The following CANX variants were observed in gnomAD, a reference collection of about 807,000 sequenced individuals.
CANX encodes the protein calnexin, also known as epididymis secretory sperm binding protein.
Under a neutral mutation model 75.7 loss-of-function variants are expected in CANX, and 14 were observed. That is an observed-to-expected ratio of 0.19 (90% CI 0.12 to 0.29). The LOEUF (loss-of-function observed/expected upper bound fraction) is 0.29. Ranked by LOEUF, CANX falls within the 10% of genes least tolerant of loss-of-function variation. The pLI is 1.00. For missense variants in CANX, 567 were observed against 713.2 expected, an observed-to-expected ratio of 0.79 and a Z score of 2.34; for synonymous variants, 227 against 236.9, an observed-to-expected ratio of 0.96 and a Z score of 0.38.
At chr5:179,685,961 G>C (rs907652742) in intron 1 of CANX, among the ~76,000 whole-genome samples, 4 of 152,158 alleles carry the variant, frequency 2.6e-5, no homozygotes, top group Non-Finnish European at 5.9e-5. Context: ...AGAATGCTGG[G>C]ATTACAGGCG....
At chr5:179,690,137 G>A (rs1247733010) in intron 1 of CANX, among the ~76,000 whole-genome samples, 1 of 152,168 alleles carries the variant, frequency 6.6e-6, no homozygotes, top group African/African-American at 2.4e-5. Context: ...GTCTCTTCTG[G>A]CAACCAAGAG....
At chr5:179,710,564 C>T (rs1418351830) in intron 7 of CANX, among the ~76,000 whole-genome samples, 15 of 146,838 alleles carry the variant, frequency 1.0e-4, no homozygotes, top group African/African-American at 3.0e-4. Flanking sequence ...AAATATTAGC[C>T]GGGCGTGGTG....
At chr5:179,683,753 C>G (rs1776131573) in intron 1 of CANX, among the ~76,000 whole-genome samples, 1 of 151,950 alleles carries the variant, frequency 6.6e-6, no homozygotes, top group South Asian at 2.1e-4. Context: ...AGGCTGGTTT[C>G]AAACTCCTGG....
Position 179,720,388 on chromosome 5 carries a change from G to A in CANX, c.1026-16G>A, listed in dbSNP as rs199805110. The stretch of plus-strand genomic sequence containing the variant: ...TCACAGAACCTGTTTATAATTTGTT[G>A]TTTGTACCTCCGTAGGGATGAAGAC... On this transcript the variant is annotated splice_polypyrimidine_tract_variant and intron_variant, in intron 9 of 14. Transcript: ENST00000247461. 882 of 1,611,846 alleles carry A rather than the reference G, an allele frequency of 5.5e-4. 4 individuals carry two copies. Among genetic ancestry groups the A allele is most frequent in the Middle Eastern group, 3.3e-4 (2 of 6,082 alleles).
intron 1 of CANX, 139 bp downstream of exon 1, chr5:179,699,241 G>A (rs1007634689): frequency 4.6e-6 from 2 of 434,980 alleles, no homozygotes; most frequent in Non-Finnish European, 6.1e-6. Context: ...CCTGGCCGAC[G>A]CGCCCGCCGT....
chr5:179,679,620 G>A (rs1231370817), intron 1 of CANX, among the ~76,000 whole-genome samples: 1 of 152,108 alleles, frequency 6.6e-6, no homozygotes, highest in Non-Finnish European at 1.5e-5. Context: ...GATGGAAAAT[G>A]GAGAACTTCT....
At chr5:179,720,142 T>G (rs150070744) in intron 9 of CANX, among the ~76,000 whole-genome samples, 70 of 152,308 alleles carry the variant, frequency 4.6e-4, no homozygotes, top group African/African-American at 1.6e-3. Context: ...AAGTTACCTG[T>G]TTTTATTGAA....
Position 179,729,875 on chromosome 5 carries a change from T to C in CANX, c.*1231T>C, listed in dbSNP as rs947146068. The C allele has an allele frequency of 6.6e-6, 1 of 152,648 alleles. No individual in the cohort carries two copies. The highest frequency in any genetic ancestry group is 6.5e-5 in the Admixed American group (1 of 15,280). The allele number at this position is 152,648 out of a possible 1,614,324, so 9.5% of individuals were successfully genotyped here. On this transcript the variant is annotated 3_prime_UTR_variant, in exon 15 of 15. Transcript: ENST00000247461. The stretch of plus-strand genomic sequence containing the variant: ...GAGGAGTGACATGAAGCATGAGTTA[T>C]CTGATTTTTTTTGTAGCTGCTATAT...
At chr5:179,697,866 C>G (rs1052057349), upstream of CANX, among the ~76,000 whole-genome samples, 2 of 151,904 alleles carry the variant, frequency 1.3e-5, no homozygotes, top group African/African-American at 2.4e-5. Flanking sequence ...CCAGCCTGAG[C>G]GACAGAGCAA....
At chr5:179,698,709 G>A, upstream of CANX, 2 of 861,664 alleles carry the variant, frequency 2.3e-6, no homozygotes, top group Non-Finnish European at 3.3e-6. Flanking sequence ...GCGCCCGGCG[G>A]TCTCGATCCA....
chr5:179,696,970 A>G (rs1361351575), upstream of CANX, among the ~76,000 whole-genome samples: 1 of 152,248 alleles, frequency 6.6e-6, no homozygotes, highest in African/African-American at 2.4e-5. Flanking sequence ...TTTCATTATT[A>G]TATCTGTCAT....
chr5:179,719,902 A>G, intron 9 of CANX, 121 bp downstream of exon 9: 2 of 618,350 alleles, frequency 3.2e-6, no homozygotes, highest in Non-Finnish European at 2.9e-6. Flanking sequence ...GCTCACTGCA[A>G]CTTTCACCTC....
At chr5:179,714,684 A>T (rs1777809704) in intron 7 of CANX, among the ~76,000 whole-genome samples, 1 of 151,834 alleles carries the variant, frequency 6.6e-6, no homozygotes, top group Non-Finnish European at 1.5e-5. Flanking sequence ...CGCTGGGCTA[A>T]TTTTTTGTAT....
chr5:179,688,088 T>TTTTTTTA (rs1776221605), intron 1 of CANX, among the ~76,000 whole-genome samples: 1 of 149,584 alleles, frequency 6.7e-6, no homozygotes, highest in Admixed American at 6.7e-5. Context: ...AGATGGAGTG[T>TTTTTTTA]CGCTCTGTTG....
intron 1 of CANX, chr5:179,680,899 TG>T: frequency 6.5e-7 from 1 of 1,536,852 alleles, no homozygotes; most frequent in Non-Finnish European, 8.7e-7. Context: ...TTCAGGGAGA[TG>T]GTCTCTGGAA....
rs1216713095 is a variant in CANX, at chr5:179,722,806, A to C, written c.1185A>C (p.Gly395=). The change falls in exon 11 of 15, where the codon GGA becomes GGC. Residue 395 remains glycine (G), a splice_region_variant and synonymous_variant. Transcript: ENST00000247461. The part of the protein sequence containing the change: ...PPMIDNPSYQ[G]IWKPRKIPNP... Reference sequence around the variant, plus strand: ...TTCTGAAACATTTTTTTTTCTAGGGAATCTGGAAACCCAGGAAAATACCAA... The same window carrying C: ...TTCTGAAACATTTTTTTTTCTAGGGCATCTGGAAACCCAGGAAAATACCAA... The C allele has an allele frequency of 1.3e-6, 2 of 1,596,312 alleles. No individual in the cohort carries two copies. The highest frequency in any genetic ancestry group is 1.7e-6 in the Non-Finnish European group (2 of 1,168,018).
At chr5:179,706,004 C>G (rs568444311) in intron 2 of CANX, 152 bp downstream of exon 2, 1 of 644,594 alleles carries the variant, frequency 1.6e-6, no homozygotes, top group African/African-American at 1.8e-5. Context: ...GATATCATCT[C>G]TAATAAAATA....
intron 1 of CANX, chr5:179,679,035 GCCGC>G: frequency 5.9e-6 from 9 of 1,534,392 alleles, no homozygotes; most frequent in Non-Finnish European, 7.0e-6. Context: ...CGCAGTGGCG[GCCGC>G]CGTGGCGAGA....
chr5:179,698,714 G>C (rs1776508420), upstream of CANX: 3 of 824,314 alleles, frequency 3.6e-6, no homozygotes, highest in Non-Finnish European at 5.2e-6. Context: ...CGGCGGTCTC[G>C]ATCCAGCGTG....
Sources: gnomAD v4.1 joint callset for allele counts (sites outside exome capture counted in the v4.1 genomes callset) on GRCh38, gnomAD v4.1.1 for gene constraint, MANE v1.5 for transcripts, NCBI Gene and HGNC (gene_info 2026-07-23, HGNC 2026-07-21) for gene names.